The following EBF1 variants were observed in gnomAD, a reference collection of about 807,000 sequenced individuals.
EBF1 encodes the protein EBF transcription factor 1.
EBF1 carries 10 observed loss-of-function variants against 68.4 expected under a neutral mutation model. That is an observed-to-expected ratio of 0.15 (90% CI 0.09 to 0.25). EBF1 has a LOEUF of 0.25. Among genes scored for constraint, EBF1 ranks in the 10% least tolerant of loss-of-function variants. The pLI, the probability that EBF1 is intolerant of heterozygous loss-of-function variation, is 1.00. For missense variants in EBF1, 509 were observed against 794.4 expected (o/e 0.64, Z 4.32); for synonymous variants, 298 against 299.8 (o/e 0.99, Z 0.06).
chr5:158,840,922 C>T (rs7715001), intron 6 of EBF1, among the ~76,000 whole-genome samples: 58 of 151,876 alleles, frequency 3.8e-4, no homozygotes, highest in African/African-American at 1.4e-3. Context: ...CCGCCCGCCT[C>T]GGCCTCCCAA....
intron 6 of EBF1, among the ~76,000 whole-genome samples, chr5:158,950,585 G>T (rs1815746282): frequency 6.6e-6 from 1 of 152,202 alleles, no homozygotes; most frequent in Non-Finnish European, 1.5e-5. Context: ...AGTAAAATTG[G>T]CCCCGTTCTG....
At chr5:159,071,122 C>A (rs1240658932) in intron 6 of EBF1, among the ~76,000 whole-genome samples, 1 of 152,070 alleles carries the variant, frequency 6.6e-6, no homozygotes, top group Non-Finnish European at 1.5e-5. Flanking sequence ...CCTTTGGCAG[C>A]CTGAAGGACA....
intron 10 of EBF1, among the ~76,000 whole-genome samples, chr5:158,735,960 A>C (rs1765092165): frequency 6.6e-6 from 1 of 152,234 alleles, no homozygotes; most frequent in African/African-American, 2.4e-5. Flanking sequence ...ATATGCAAAG[A>C]AAATCGAGAT....
chr5:159,050,493 A>G (rs765639505), intron 6 of EBF1, among the ~76,000 whole-genome samples: 30 of 152,156 alleles, frequency 2.0e-4, no homozygotes, highest in Admixed American at 1.8e-3. Flanking sequence ...CACCAGAGAC[A>G]GCAGATGTCC....
At chr5:159,096,904 T>A in intron 2 of EBF1, 70 bp downstream of exon 2, 3 of 1,564,748 alleles carry the variant, frequency 1.9e-6, no homozygotes, top group Non-Finnish European at 2.6e-6. Context: ...AAGGGCGCGC[T>A]GCCCAAGGCT....
intron 6 of EBF1, among the ~76,000 whole-genome samples, chr5:159,049,872 C>T (rs547638467): frequency 1.7e-4 from 26 of 152,226 alleles, no homozygotes; most frequent in African/African-American, 3.6e-4. Context: ...AATGATTTTA[C>T]ATCCCGGTTG....
chr5:158,807,090 G>T (rs1781726755), intron 8 of EBF1, among the ~76,000 whole-genome samples: 1 of 152,122 alleles, frequency 6.6e-6, no homozygotes, highest in African/African-American at 2.4e-5. Flanking sequence ...CATCATCACA[G>T]GAAGTTCAAT....
chr5:158,912,883 T>C (rs1806321058), intron 6 of EBF1, among the ~76,000 whole-genome samples: 1 of 152,222 alleles, frequency 6.6e-6, no homozygotes. Context: ...TTGCAGGTAG[T>C]ATAGATGCTG....
intron 6 of EBF1, among the ~76,000 whole-genome samples, chr5:158,932,050 C>T (rs1234417722): frequency 6.6e-6 from 1 of 152,116 alleles, no homozygotes; most frequent in Non-Finnish European, 1.5e-5. Context: ...AGTGGATGGG[C>T]ACTCTCACCC....
intron 6 of EBF1, among the ~76,000 whole-genome samples, chr5:159,065,622 G>T (rs971756229): frequency 6.6e-6 from 1 of 151,504 alleles, no homozygotes; most frequent in Admixed American, 6.6e-5. Context: ...GTTCTTGAGG[G>T]ATTCTTGATA....
chr5:159,047,668 A>AAG (rs1443187025), intron 6 of EBF1, among the ~76,000 whole-genome samples: 1 of 152,122 alleles, frequency 6.6e-6, no homozygotes, highest in Non-Finnish European at 1.5e-5. Flanking sequence ...TTTGTGTAAA[A>AAG]AGACTCCCTA....
In EBF1 at chr5:158,698,245, T is replaced by G. The variant is rs1413958444; in HGVS notation, c.*866A>C. On this transcript the variant is annotated 3_prime_UTR_variant, in exon 16 of 16. Transcript: ENST00000313708. ...TGCCTGGACCCTGTTCCATGAAGTC[T>G]CAAAGGAGATTCTCACACAGTATGT... 1.4e-5 allele frequency: 3 copies of G among 220,572 alleles called. No individual in the cohort carries two copies. Among genetic ancestry groups the G allele is most frequent in the Non-Finnish European group, 2.7e-5 (3 of 110,076 alleles). 13.7% of individuals were successfully genotyped at this position (220,572 alleles called of 1,614,324 possible).
chr5:158,743,019 C>T (rs1294056825), intron 10 of EBF1, among the ~76,000 whole-genome samples: 2 of 152,148 alleles, frequency 1.3e-5, no homozygotes, highest in Non-Finnish European at 2.9e-5. Context: ...CCCTGTGAGT[C>T]CCCAGCTGGA....
At chr5:159,065,159 C>G (rs2127899740) in intron 6 of EBF1, among the ~76,000 whole-genome samples, 1 of 152,144 alleles carries the variant, frequency 6.6e-6, no homozygotes, top group East Asian at 1.9e-4. Context: ...TAGTTTACCT[C>G]TGGAAAACAA....
chr5:159,042,312 G>T (rs1050879734), intron 6 of EBF1, among the ~76,000 whole-genome samples: 1 of 152,108 alleles, frequency 6.6e-6, no homozygotes, highest in African/African-American at 2.4e-5. Flanking sequence ...CAATTCAGAG[G>T]TGAGGAAACT....
chr5:159,051,627 C>G (rs924017857), intron 6 of EBF1, among the ~76,000 whole-genome samples: 8 of 151,740 alleles, frequency 5.3e-5, no homozygotes, highest in Admixed American at 5.3e-4. Context: ...CGCTCGGCAC[C>G]AGGGCTGGAT....
chr5:158,702,750 A>C (rs1328043203), intron 15 of EBF1, among the ~76,000 whole-genome samples: 1 of 146,804 alleles, frequency 6.8e-6, no homozygotes. Flanking sequence ...TCTCAAAAAA[A>C]AAAAAAAAAA....
At chr5:158,709,595 A>C (rs538686037) in intron 14 of EBF1, among the ~76,000 whole-genome samples, 1 of 152,248 alleles carries the variant, frequency 6.6e-6, no homozygotes, top group African/African-American at 2.4e-5. Flanking sequence ...AACAATTGCC[A>C]TCAGGGGAAA....
chr5:158,855,981 A>C (rs1249267697), intron 6 of EBF1, among the ~76,000 whole-genome samples: 1 of 152,246 alleles, frequency 6.6e-6, no homozygotes, highest in East Asian at 1.9e-4. Flanking sequence ...AGAGCCACAC[A>C]AAGTGGAGGA....
Sources: allele counts gnomAD v4.1 joint callset (sites outside exome capture counted in the v4.1 genomes callset), GRCh38; gene constraint gnomAD v4.1.1; transcripts MANE v1.5; gene names NCBI Gene and HGNC (gene_info 2026-07-23, HGNC 2026-07-21).